The following MYL5 variants were observed in gnomAD, a reference collection of about 807,000 sequenced individuals.
MYL5 encodes the protein myosin light chain 5, also known as myosin regulatory light chain 5.
A neutral mutation model predicts 20.8 loss-of-function variants in MYL5; 28 were observed. The ratio of observed to expected loss-of-function variants is 1.35; its 90% CI spans 1.00 to 1.84. The LOEUF (loss-of-function observed/expected upper bound fraction) is 1.84, where lower values mean the gene tolerates loss of function less well. MYL5 is among the 40% of genes most tolerant of loss of function. The pLI is 0.00. For missense variants in MYL5, 274 were observed against 227.3 expected, an observed-to-expected ratio of 1.21 and a Z score of -1.32; for synonymous variants, 118 against 87.4, an observed-to-expected ratio of 1.35 and a Z score of -1.95.
intron 1 of MYL5, 178 bp downstream of exon 3, chr4:678,207 C>T (rs1560152445): frequency 6.6e-7 from 1 of 1,512,762 alleles, no homozygotes; most frequent in African/African-American, 1.4e-5. Context: ...TGTGTGTGAC[C>T]TTGCGGGTGT....
At chr4:680,150 A>C in intron 4 of MYL5, 132 bp downstream of exon 6, 1 of 925,624 alleles carries the variant, frequency 1.1e-6, no homozygotes, top group Non-Finnish European at 1.6e-6. Context: ...GGGAGCCAAC[A>C]ACTGTGGGGC....
At chr4:678,026 C>T (rs752140891) in exon 1 of MYL5, 1 of 1,613,404 alleles carries the variant, frequency 6.2e-7, no homozygotes, top group South Asian at 1.1e-5. Flanking sequence ...CAGAAGCAGG[C>T]ATGGTGAGCA....
chr4:682,017 T>G, exon 7 of MYL5: 1 of 1,425,946 alleles, frequency 7.0e-7, no homozygotes, highest in Non-Finnish European at 9.3e-7. Context: ...TCAATAAACC[T>G]GGACGCTTGG....
rs201508988 is a variant in MYL5 at position 680,497 on chromosome 4, C to T, written c.293-12C>T. 1.9e-6 allele frequency: 3 copies of T among 1,613,460 alleles called. No individual in the cohort carries two copies. The highest frequency in any genetic ancestry group is 1.7e-5 in the Admixed American group (1 of 59,986). The stretch of plus-strand genomic sequence containing the variant: ...CCCTGACGGCCCTGGGCTGAAGGTG[C>T]CTTTGTGGCAGGTACCGACGCCGAG... On this transcript the variant is annotated splice_polypyrimidine_tract_variant and intron_variant, in intron 4 of 6. Transcript: ENST00000400159.
chr4:676,988 T>C (rs1738904680), upstream of MYL5: 1 of 939,504 alleles, frequency 1.1e-6, no homozygotes, highest in African/African-American at 1.8e-5. Flanking sequence ...GGACCTCTGC[T>C]CAAGAGACAT....
intron 6 of MYL5, among the ~76,000 whole-genome samples, chr4:681,569 G>T (rs1329709394): frequency 7.5e-6 from 1 of 133,256 alleles, no homozygotes; most frequent in Non-Finnish European, 1.6e-5. Context: ...AGCCCGACAC[G>T]TGCGCCCAGA....
In MYL5 at chr4:678,903, G is replaced by A. The variant is rs1739135367; in HGVS notation, c.112-55G>A. On this transcript the variant is annotated intron_variant, in intron 2 of 6. Coordinates refer to ENST00000400159, the Ensembl canonical transcript of MYL5. Reference sequence around the variant, plus strand: ...GGTGCTGAGGAACCGGGAGCAGGGGGCGGGGCAGAGCCCAGCCGGGTTGGC... The same window carrying A: ...GGTGCTGAGGAACCGGGAGCAGGGGACGGGGCAGAGCCCAGCCGGGTTGGC... 1.7e-5 allele frequency: 27 copies of A among 1,609,758 alleles called. 1 individual carries two copies. The South Asian group carries it at 3.0e-4, about 18-fold the overall frequency.
upstream of MYL5, chr4:674,689 G>A (rs957529578): frequency 5.4e-5 from 12 of 222,268 alleles, no homozygotes; most frequent in Non-Finnish European, 9.0e-5. Context: ...CTGAGGTCAG[G>A]GCGGCTCGGG....
At chr4:679,061 GC>G (rs1193916297) in intron 3 of MYL5, 28 bp downstream of exon 5, 1 of 1,602,002 alleles carries the variant, frequency 6.2e-7, no homozygotes, top group Non-Finnish European at 8.5e-7. Context: ...ACGCCTCAGA[GC>G]CCTTGGAGGA....
At chr4:680,568 G>A (rs757460768) in exon 5 of MYL5, 23 of 1,613,316 alleles carry the variant, frequency 1.4e-5, no homozygotes, top group Non-Finnish European at 1.9e-5. Context: ...GGACGGGAAA[G>A]GGAAAATCAA....
chr4:680,427 G>A, intron 4 of MYL5, 82 bp from the exon 7 acceptor site: 1 of 1,382,530 alleles, frequency 7.2e-7, no homozygotes, highest in South Asian at 1.2e-5. Flanking sequence ...TTGGGGCAGG[G>A]GTCTCCCCTC....
At chr4:681,113 C>G in exon 6 of MYL5, 1 of 1,606,858 alleles carries the variant, frequency 6.2e-7, no homozygotes. Context: ...TGCTGATGTC[C>G]CAGGCTGACA....
intron 5 of MYL5, chr4:680,881 C>T (rs1323109241): frequency 9.2e-6 from 6 of 654,504 alleles, no homozygotes; most frequent in Admixed American, 2.8e-5. Context: ...CTGTAACCTC[C>T]TTCCGGCTCT....
At chr4:680,522 G>T (rs1221068035) in exon 5 of MYL5, 1 of 1,613,476 alleles carries the variant, frequency 6.2e-7, no homozygotes, top group South Asian at 1.1e-5. Flanking sequence ...CCGACGCCGA[G>T]GAGACCATTC....
chr4:678,484 C>A, intron 1 of MYL5, 174 bp from the exon 4 acceptor site: 1 of 1,438,294 alleles, frequency 7.0e-7, no homozygotes, highest in Non-Finnish European at 9.1e-7. Flanking sequence ...CCGTCCTGCC[C>A]CCAACCCCAG....
chr4:678,899 G>GGGGGCGGGGCAGAGCCCAGCC, intron 2 of MYL5, 59 bp from the exon 5 acceptor site: 1 of 1,607,944 alleles, frequency 6.2e-7, no homozygotes. Context: ...ACCGGGAGCA[G>GGGGGCGGGGCAGAGCCCAGCC]GGGGCGGGGC....
intron 3 of MYL5, 132 bp downstream of exon 5, chr4:679,165 A>C (rs1739174615): frequency 1.1e-6 from 1 of 892,858 alleles, no homozygotes. Context: ...ACGGCCCTGA[A>C]GCTGCAAGGT....
Position 680,604 on chromosome 4 carries a change from C to G in MYL5, c.371+17C>G, listed in dbSNP as rs760006765. On this transcript the variant is annotated intron_variant, in intron 5 of 6. Transcript: ENST00000400159. ...CAAGGAGTAGTGAGTGCCCGGGCGGCCAGGGCGGCCCGGCTTCCGGGGAAC... is the reference window on the plus strand; with the variant it reads ...CAAGGAGTAGTGAGTGCCCGGGCGGGCAGGGCGGCCCGGCTTCCGGGGAAC... The G allele has an allele frequency of 6.2e-7, 1 of 1,610,038 alleles. No homozygotes were observed. Among genetic ancestry groups the G allele is most frequent in the Non-Finnish European group, 8.5e-7 (1 of 1,179,022 alleles).
upstream of MYL5, chr4:674,678 C>T: frequency 4.1e-6 from 1 of 243,184 alleles, no homozygotes; most frequent in Non-Finnish European, 8.1e-6. Context: ...GCGTCGGAGG[C>T]CTGAGGTCAG....
Sources: allele counts gnomAD v4.1 joint callset (sites outside exome capture counted in the v4.1 genomes callset), GRCh38; gene constraint gnomAD v4.1.1; transcripts MANE v1.5; gene names NCBI Gene and HGNC (gene_info 2026-07-23, HGNC 2026-07-21).